The following CCSER1 variants were observed in gnomAD, a reference collection of about 807,000 sequenced individuals.
The protein encoded by CCSER1 is coiled-coil serine rich protein 1.
Under a neutral mutation model 82.0 loss-of-function variants are expected in CCSER1, and 41 were observed. The observed-to-expected ratio is 0.50, with a 90% CI of 0.39 to 0.65. CCSER1 has a LOEUF of 0.65. Among genes scored for constraint, CCSER1 ranks in the 30% least tolerant of loss-of-function variants. The pLI is 0.00. For synonymous variants in CCSER1, 414 were observed against 383.9 expected (o/e 1.08, Z -0.92); for missense variants, 1,119 against 1,064.2 (o/e 1.05, Z -0.72).
chr4:91,494,578 G>A, intron 10 of CCSER1, among the ~76,000 whole-genome samples: 1 of 151,818 alleles, frequency 6.6e-6, no homozygotes, highest in South Asian at 2.1e-4. Flanking sequence ...AGTTTATTTG[G>A]ATAAACATTC....
At chr4:91,287,258 A>C (rs1743346393) in intron 10 of CCSER1, among the ~76,000 whole-genome samples, 1 of 151,950 alleles carries the variant, frequency 6.6e-6, no homozygotes, top group African/African-American at 2.4e-5. Context: ...AAAGTCAGAA[A>C]AAATAGTTCT....
intron 1 of CCSER1, among the ~76,000 whole-genome samples, chr4:90,205,784 C>G (rs936539275): frequency 1.1e-4 from 17 of 152,174 alleles, no homozygotes; most frequent in African/African-American, 4.1e-4. Context: ...ACCAGCTCCT[C>G]TTTGTACTTC....
chr4:90,568,832 G>C (rs559923288), intron 5 of CCSER1, among the ~76,000 whole-genome samples: 1 of 149,058 alleles, frequency 6.7e-6, no homozygotes, highest in East Asian at 2.0e-4. Flanking sequence ...GCACCGTGCC[G>C]TGTCGGCTCA....
chr4:91,526,161 A>G (rs1760753297), intron 10 of CCSER1, among the ~76,000 whole-genome samples: 1 of 152,096 alleles, frequency 6.6e-6, no homozygotes, highest in Non-Finnish European at 1.5e-5. Context: ...ATTTTACAAC[A>G]TGTTCTCTCT....
At chr4:90,978,091 G>A (rs1301622364) in intron 9 of CCSER1, among the ~76,000 whole-genome samples, 5 of 151,590 alleles carry the variant, frequency 3.3e-5, no homozygotes, top group Non-Finnish European at 5.9e-5. Context: ...TTCAAAATAC[G>A]AGTGGATATT....
intron 8 of CCSER1, among the ~76,000 whole-genome samples, chr4:90,915,675 C>G (rs1727259166): frequency 1.3e-5 from 2 of 151,716 alleles, no homozygotes; most frequent in Non-Finnish European, 2.9e-5. Flanking sequence ...GTCAATCAGG[C>G]AGGAGAAAGA....
chr4:90,756,071 A>C (rs187577291), intron 7 of CCSER1, among the ~76,000 whole-genome samples: 1 of 152,204 alleles, frequency 6.6e-6, no homozygotes, highest in East Asian at 1.9e-4. Flanking sequence ...TACTAAAAAT[A>C]TAAAACGCTA....
intron 10 of CCSER1, among the ~76,000 whole-genome samples, chr4:91,260,436 C>G (rs1741019524): frequency 6.6e-6 from 1 of 152,132 alleles, no homozygotes; most frequent in African/African-American, 2.4e-5. Flanking sequence ...TTTTATTAAT[C>G]CTCTTAACTA....
chr4:90,271,129 G>GA lies in CCSER1; in HGVS notation c.-41-37107dup, dbSNP rs567160058. 5.3e-5 allele frequency among the ~76,000 whole-genome samples: 8 copies of GA among 151,854 alleles called. No homozygotes were observed. The South Asian group carries it at 6.2e-4, about 12-fold the overall frequency. On this transcript the variant is annotated intron_variant, in intron 1 of 10. Coordinates refer to ENST00000509176, the MANE Select transcript of CCSER1 (RefSeq NM_001145065.2). ...TACCTAGACATTTCTCTCAGAAATA[G>GA]AAAAAAAATGCTAAAATTTATATGG...
At chr4:91,098,830 C>T (rs975816096) in intron 10 of CCSER1, among the ~76,000 whole-genome samples, 6 of 152,032 alleles carry the variant, frequency 3.9e-5, no homozygotes, top group South Asian at 2.1e-4. Context: ...CGTGAGCCAC[C>T]GCGCCCAGCT....
chr4:91,444,331 AT>A (rs754533546), intron 10 of CCSER1, among the ~76,000 whole-genome samples: 1 of 152,218 alleles, frequency 6.6e-6, no homozygotes, highest in Non-Finnish European at 1.5e-5. Flanking sequence ...ACTACTGCAT[AT>A]TTTATACAAG....
At chr4:90,216,985 T>C (rs1194672559) in intron 1 of CCSER1, among the ~76,000 whole-genome samples, 1 of 152,194 alleles carries the variant, frequency 6.6e-6, no homozygotes, top group Non-Finnish European at 1.5e-5. Flanking sequence ...GTTCTCCTTG[T>C]AGTGATCTTT....
At chr4:90,928,926 G>A (rs905648375) in intron 9 of CCSER1, among the ~76,000 whole-genome samples, 2 of 152,010 alleles carry the variant, frequency 1.3e-5, no homozygotes, top group African/African-American at 4.8e-5. Flanking sequence ...AGAGGAATAC[G>A]GTCTACCTGA....
At chr4:91,462,837 G>A (rs555704418) in intron 10 of CCSER1, among the ~76,000 whole-genome samples, 1 of 152,246 alleles carries the variant, frequency 6.6e-6, no homozygotes, top group South Asian at 2.1e-4. Flanking sequence ...GCTGAGGCTT[G>A]AGTAGGTAAA....
chr4:91,288,143 C>T (rs556904823), intron 10 of CCSER1, among the ~76,000 whole-genome samples: 281 of 77,710 alleles, frequency 3.6e-3, no homozygotes, highest in African/African-American at 0.012. Context: ...TATATATATA[C>T]ACTCGTATAT....
chr4:90,298,663 G>A (rs983052512), intron 1 of CCSER1, among the ~76,000 whole-genome samples: 5 of 151,874 alleles, frequency 3.3e-5, no homozygotes, highest in African/African-American at 9.7e-5. Flanking sequence ...ACACTGCTTT[G>A]AATGTGTCCC....
intron 10 of CCSER1, among the ~76,000 whole-genome samples, chr4:91,465,800 C>G (rs989114522): frequency 6.6e-6 from 1 of 152,044 alleles, no homozygotes; most frequent in Non-Finnish European, 1.5e-5. Context: ...AAGACTAAAC[C>G]AGGAAGAAGC....
At chr4:91,525,306 T>C (rs1165861096) in intron 10 of CCSER1, among the ~76,000 whole-genome samples, 1 of 152,090 alleles carries the variant, frequency 6.6e-6, no homozygotes, top group African/African-American at 2.4e-5. Flanking sequence ...GGAAGGAAGA[T>C]CCTTAAGATT....
chr4:90,188,291 T>TA (rs891353551), intron 1 of CCSER1, among the ~76,000 whole-genome samples: 5 of 151,764 alleles, frequency 3.3e-5, no homozygotes, highest in African/African-American at 1.2e-4. Flanking sequence ...AAGGATTTTT[T>TA]AAAAAAATAT....
Sources: gnomAD v4.1 joint callset for allele counts (sites outside exome capture counted in the v4.1 genomes callset) on GRCh38, gnomAD v4.1.1 for gene constraint, MANE v1.5 for transcripts, NCBI Gene and HGNC (gene_info 2026-07-23, HGNC 2026-07-21) for gene names.